The following FAT2 variants were observed in gnomAD, a reference collection of about 807,000 sequenced individuals.
FAT2 encodes the protein FAT atypical cadherin 2.
FAT2 carries 150 observed loss-of-function variants against 295.3 expected under a neutral mutation model. That is an observed-to-expected ratio of 0.51 (90% CI 0.44 to 0.58). The LOEUF (loss-of-function observed/expected upper bound fraction) is 0.58. Among genes scored for constraint, FAT2 ranks in the 20% least tolerant of loss-of-function variants. The probability of loss-of-function intolerance (pLI) is 0.00; values close to 1 mark genes in which losing one functional copy is unlikely to be tolerated. For missense variants in FAT2, 4,868 were observed against 5,442.7 expected (o/e 0.89, Z 3.32); for synonymous variants, 2,026 against 2,150.3 (o/e 0.94, Z 1.60).
rs759807428 is a variant in FAT2 at position 151,545,993 on chromosome 5, T to C, written c.5134A>G (p.Ile1712Val). Residue 1712 changes from isoleucine (I) to valine (V), a missense_variant, in exon 10 of 24, where the codon ATT becomes GTT. By Grantham distance (29) the Ile-to-Val change is conservative. Transcript: ENST00000261800. ...TGGTCCAATTTCTTCTGGGTGGAAA[T>C]AAGGCCAGAATATGAGTTCATAGAG... ...VFSMNSYSGL[I>V]STQKKLDHEK... 6.2e-7 allele frequency: 1 copy of C among 1,614,164 alleles called. No homozygotes were observed. The highest frequency in any genetic ancestry group is 2.2e-5 in the East Asian group (1 of 44,882).
chr5:151,537,200 AAAG>A (rs938386569), intron 12 of FAT2, among the ~76,000 whole-genome samples: 4 of 147,606 alleles, frequency 2.7e-5, no homozygotes, highest in East Asian at 2.1e-4. Flanking sequence ...AGAGAGAGAG[AAAG>A]AAGAAGAGGA....
chr5:151,573,356 G>A (rs1434356128), intron 1 of FAT2, among the ~76,000 whole-genome samples: 1 of 152,194 alleles, frequency 6.6e-6, no homozygotes. Flanking sequence ...TTGAGTTTGT[G>A]GATAATAAAA....
intron 20 of FAT2, among the ~76,000 whole-genome samples, chr5:151,517,084 G>A (rs1048029495): frequency 2.6e-5 from 4 of 151,154 alleles, no homozygotes; most frequent in Non-Finnish European, 4.4e-5. Flanking sequence ...CTCCAGCCTC[G>A]GTGACAGAGA....
chr5:151,563,781 T>C, intron 2 of FAT2, 142 bp from the exon 3 acceptor site: 1 of 659,204 alleles, frequency 1.5e-6, no homozygotes, highest in Non-Finnish European at 2.6e-6. Flanking sequence ...GAACTGCTTC[T>C]ACCAGTATAA....
chr5:151,562,431 C>G (rs943772517), intron 3 of FAT2, among the ~76,000 whole-genome samples: 1 of 152,116 alleles, frequency 6.6e-6, no homozygotes, highest in African/African-American at 2.4e-5. Flanking sequence ...CAATGGGACC[C>G]AGCTCTCACA....
chr5:151,566,985 G>A lies in FAT2; in HGVS notation c.1947C>T (p.Ala649=), dbSNP rs534776797. 7 of 1,614,134 alleles carry A rather than the reference G, an allele frequency of 4.3e-6. 1 individual carries two copies. In the African/African-American group the frequency reaches 5.3e-5, roughly 12 times the overall value. ...CAGTAATATTCAAAGTTGTGGGTGA[G>A]GCATAGTTTTTGCCATCTGAGGCTG... ...KITASDGKNY[A]SPTTLNITVV... The change falls in exon 2 of 24, where the codon GCC becomes GCT. Residue 649 remains alanine, a synonymous_variant. Transcript: ENST00000261800.
chr5:151,588,068 T>C (rs1246424605), intron 1 of FAT2, among the ~76,000 whole-genome samples: 3 of 152,112 alleles, frequency 2.0e-5, no homozygotes, highest in Non-Finnish European at 2.9e-5. Flanking sequence ...GTTCTTCGAG[T>C]TGTACAGTTA....
rs369725513 is a variant in FAT2, at chr5:151,531,697, C to T, written c.9701G>A (p.Gly3234Asp). 54 of 1,613,700 alleles carry T rather than the reference C, an allele frequency of 3.3e-5. 1 individual carries two copies. Among genetic ancestry groups the T allele is most frequent in the Middle Eastern group, 1.6e-4 (1 of 6,080 alleles). ...SVQVPEDAPP[G>D]TEVLQLATLT... is the part of the protein sequence containing the mutation. Reference sequence around the variant, plus strand: ...GGTGGCCAGCTGCAGCACCTCCGTGCCAGGTGGGGCGTCCTCGGGCACCTG... The same window carrying T: ...GGTGGCCAGCTGCAGCACCTCCGTGTCAGGTGGGGCGTCCTCGGGCACCTG... The change falls in exon 14 of 24, where the codon GGC becomes GAC. Residue 3234 changes from glycine (G) to aspartate (D), a missense_variant. Physicochemically the swap from Gly to Asp is moderately conservative, Grantham distance 94 (BLOSUM62 -1). This residue lies in a region of FAT2 where 1,046 missense variants were observed against 1,210.1 expected (regional missense o/e 0.86). Transcript: ENST00000261800. This position sits in a 1 kb window ranked among gnomAD's most constrained non-coding sequence, Gnocchi z 5.7.
Position 151,567,313 on chromosome 5 carries a change from G to C in FAT2, c.1619C>G (p.Ser540Cys), listed in dbSNP as rs2127647676. 6.2e-7 allele frequency: 1 copy of C among 1,614,152 alleles called. No homozygotes were observed. Among genetic ancestry groups the C allele is most frequent in the Non-Finnish European group, 8.5e-7 (1 of 1,180,032 alleles). ...TFRVRASDWG[S>C]PFRREKEVSI... ...CACTTCCTTCTCCCGGCGAAAAGGG[G>C]ATCCCCAGTCTGATGCTCTTACCCG... The change falls in exon 2 of 24, where the codon TCC becomes TGC. Residue 540 changes from serine (S) to cysteine (C), a missense_variant. Coordinates refer to ENST00000261800, the MANE Select transcript of FAT2 (RefSeq NM_001447.3).
At chr5:151,586,414 A>G (rs1368370) in intron 1 of FAT2, among the ~76,000 whole-genome samples, 129,934 of 152,072 alleles carry the variant, frequency 0.85, 55,786 homozygotes, top group Non-Finnish European at 0.88. Context: ...GGGCAAGGGA[A>G]GATTTCTGTC....
At chr5:151,556,218 C>T (rs1757678641) in intron 4 of FAT2, 126 bp downstream of exon 4, 7 of 761,722 alleles carry the variant, frequency 9.2e-6, no homozygotes, top group South Asian at 8.8e-5. Flanking sequence ...CAGCAAGGTT[C>T]AGCTCACGTA....
rs1009301106 is a variant in FAT2 at position 151,531,940 on chromosome 5, G to A, written c.9458C>T (p.Pro3153Leu). The A allele has an allele frequency of 5.0e-6, 8 of 1,614,184 alleles. No individual in the cohort carries two copies. The highest frequency in any genetic ancestry group is 1.3e-5 in the African/African-American group (1 of 75,060). ...GGAAAAGTGGCCTTCGGCTGAATCC[G>A]GCAGAGAGTAAACCACCTGGGCATT... ...GANAQVVYSL[P>L]DSAEGHFSID... is the part of the protein sequence containing the mutation. Residue 3153 changes from proline (P) to leucine (L), a missense_variant, in exon 14 of 24, where the codon CCG becomes CTG. By Grantham distance (98) the Pro-to-Leu change is moderately conservative. Transcript: ENST00000261800. This position sits in a 1 kb window ranked among gnomAD's most constrained non-coding sequence, Gnocchi z 5.7.
chr5:151,545,388 A>C lies in FAT2; in HGVS notation c.5739T>G (p.Asp1913Glu). ...TGACAGGATGGATGGTAACAGCTTC[A>C]TCAGCATTGCCAGTTTTGATGCTAT... is the stretch of plus-strand genomic sequence containing the variant. Reference protein sequence around the residue: ...VNYSIKTGNADEAVTIHPVTG... With the variant: ...VNYSIKTGNAEEAVTIHPVTG... Residue 1913 changes from aspartate (D) to glutamate (E), a missense_variant, in exon 10 of 24, where the codon GAT becomes GAG. By Grantham distance (45) the Asp-to-Glu change is conservative (BLOSUM62 2). This residue lies in a region of FAT2 where 3,297 missense variants were observed against 3,669.4 expected (regional missense o/e 0.90). Transcript: ENST00000261800. 1 of 1,614,188 alleles carries C rather than the reference A, an allele frequency of 6.2e-7. No homozygotes were observed.
rs555193338 is a variant in FAT2, at chr5:151,509,082, T to C, written c.12059+939A>G. 2.6e-5 allele frequency among the ~76,000 whole-genome samples: 4 copies of C among 152,158 alleles called. No homozygotes were observed. In the South Asian group the frequency reaches 8.3e-4, roughly 32 times the overall value. ...TTGCAACTGCCACAGCCCCACACAG[T>C]ATGAGGCACAGACAGCTGGCAGTGG... On this transcript the variant is annotated intron_variant, in intron 22 of 23. Coordinates refer to ENST00000261800, the MANE Select transcript of FAT2 (RefSeq NM_001447.3).
At chr5:151,539,992 G>T (rs368450788) in intron 11 of FAT2, among the ~76,000 whole-genome samples, 2 of 152,280 alleles carry the variant, frequency 1.3e-5, no homozygotes, top group South Asian at 2.1e-4. Context: ...TGGGCATGGG[G>T]TGAGGGGTTT....
intron 1 of FAT2, among the ~76,000 whole-genome samples, chr5:151,579,320 C>T (rs1182963241): frequency 6.6e-6 from 1 of 152,116 alleles, no homozygotes; most frequent in Admixed American, 6.5e-5. Flanking sequence ...GCCTGTAATA[C>T]CAGAGCTTTG....
upstream of FAT2, among the ~76,000 whole-genome samples, chr5:151,592,435 C>T (rs1436813856): frequency 3.9e-5 from 6 of 152,146 alleles, no homozygotes; most frequent in East Asian, 1.2e-3. Context: ...TCCCCTCCCT[C>T]CCCCCAGGTC....
chr5:151,590,555 G>A (rs1183490705), intron 1 of FAT2, among the ~76,000 whole-genome samples: 1 of 152,172 alleles, frequency 6.6e-6, no homozygotes, highest in Non-Finnish European at 1.5e-5. Context: ...CAGACTCATG[G>A]TCTTTCACAG....
intron 18 of FAT2, 120 bp downstream of exon 18, chr5:151,525,648 G>T: frequency 1.8e-6 from 2 of 1,082,412 alleles, no homozygotes; most frequent in Non-Finnish European, 1.4e-6. Flanking sequence ...CTAGCCCAGT[G>T]CCTGATGCAT....
Sources: allele counts gnomAD v4.1 joint callset (sites outside exome capture counted in the v4.1 genomes callset), GRCh38; gene constraint gnomAD v4.1.1; regional missense constraint gnomAD v4.1.1; non-coding constraint Gnocchi (gnomAD v3.1); transcripts MANE v1.5; gene names NCBI Gene and HGNC (gene_info 2026-07-23, HGNC 2026-07-21).